MYZAP: variants seen among roughly 807,000 people sequenced by gnomAD.
MYZAP encodes myocardial zonula adherens protein.
MYZAP carries 66 observed loss-of-function variants against 69.4 expected under a neutral mutation model. The ratio of observed to expected loss-of-function variants is 0.95; its 90% CI spans 0.78 to 1.17. The LOEUF (loss-of-function observed/expected upper bound fraction) is 1.17, where lower values mean the gene tolerates loss of function less well. Among genes scored for constraint, MYZAP ranks in the 50% most tolerant of loss-of-function variants. The probability of loss-of-function intolerance (pLI) is 0.00; values close to 1 mark genes in which losing one functional copy is unlikely to be tolerated. For synonymous variants in MYZAP, 256 were observed against 205.9 expected, an observed-to-expected ratio of 1.24 and a Z score of -2.09; for missense variants, 611 against 556.2, an observed-to-expected ratio of 1.10 and a Z score of -0.99.
At position 57,631,349 on chromosome 15, in the gene MYZAP, C is replaced by T. The variant is rs888301119; in HGVS notation, c.679-1085C>T. Among the ~76,000 whole-genome samples, 5 of 152,138 alleles carry T rather than the reference C, an allele frequency of 3.3e-5. No homozygotes were observed. In the Middle Eastern group the frequency reaches 0.01, roughly 310 times the overall value. ...GGCAATCTGGCTGCTTCCCTGGAGT[C>T]CAGGCCTTTAACTCCAGCCCACAGT... On this transcript the variant is annotated intron_variant, in intron 6 of 12. Transcript: ENST00000267853.
At chr15:57,610,552 A>C (rs1471545290) in intron 2 of MYZAP, among the ~76,000 whole-genome samples, 1 of 152,198 alleles carries the variant, frequency 6.6e-6, no homozygotes, top group Admixed American at 6.5e-5. Context: ...CGGCTTCCTC[A>C]TGAACCCCTG....
chr15:57,599,581 G>A, intron 1 of MYZAP: 3 of 1,287,584 alleles, frequency 2.3e-6, no homozygotes, highest in Non-Finnish European at 3.0e-6. Context: ...AGCTGCTTTG[G>A]GAACCCCTGG....
At chr15:57,606,734 TAA>T (rs1361760993) in intron 2 of MYZAP, among the ~76,000 whole-genome samples, 7 of 146,246 alleles carry the variant, frequency 4.8e-5, no homozygotes, top group African/African-American at 1.5e-4. Flanking sequence ...ATAATAATAA[TAA>T]AATAAAATAA....
At chr15:57,616,822 CTTTTTTTT>C (rs763856721) in intron 2 of MYZAP, among the ~76,000 whole-genome samples, 35 of 50,062 alleles carry the variant, frequency 7.0e-4, no homozygotes, top group East Asian at 9.7e-4. Context: ...AAAAAAAGTG[CTTTTTTTT>C]TTTTTTTTTT....
At chr15:57,661,311 C>T in intron 10 of MYZAP, 139 bp from the exon 11 acceptor site, 1 of 694,872 alleles carries the variant, frequency 1.4e-6, no homozygotes, top group Non-Finnish European at 2.4e-6. Context: ...TGAAAACCAT[C>T]CAGCCCCACT....
chr15:57,624,374 G>A (rs548974767), intron 4 of MYZAP, among the ~76,000 whole-genome samples: 3 of 152,116 alleles, frequency 2.0e-5, no homozygotes, highest in Non-Finnish European at 2.9e-5. Flanking sequence ...GTGGGGCTAC[G>A]TAAATATATC....
At chr15:57,659,688 A>G (rs80176928) in intron 10 of MYZAP, among the ~76,000 whole-genome samples, 9,074 of 152,298 alleles carry the variant, frequency 0.06, 379 homozygotes, top group Middle Eastern at 0.092. Context: ...TTGGATTAAT[A>G]CTTCTCACCA....
At chr15:57,674,051 T>G (rs2039001148) in intron 11 of MYZAP, among the ~76,000 whole-genome samples, 1 of 152,224 alleles carries the variant, frequency 6.6e-6, no homozygotes, top group African/African-American at 2.4e-5. Flanking sequence ...TAGTCTAGCG[T>G]TACTGAAAAA....
At chr15:57,650,173 G>A (rs1178852469) in intron 10 of MYZAP, among the ~76,000 whole-genome samples, 1 of 152,044 alleles carries the variant, frequency 6.6e-6, no homozygotes, top group Admixed American at 6.6e-5. Context: ...TTTTCACGTC[G>A]CTTTCGTCAA....
rs116267006 is a variant in MYZAP at position 57,626,937 on chromosome 15, G to A, written c.525+1045G>A. On this transcript the variant is annotated intron_variant, in intron 5 of 12. Transcript: ENST00000267853. ...TCCTGGCTCTCTTGAGTGTATGCCA[G>A]CTTTCCCCTGGCCTCAGGCCAAGCC... 4.6e-3 allele frequency among the ~76,000 whole-genome samples: 708 copies of A among 152,276 alleles called. 8 individuals are homozygous for A. Among genetic ancestry groups the A allele is most frequent in the African/African-American group, 0.016 (663 of 41,558 alleles).
chr15:57,592,192 C>A (rs2033717958), intron 1 of MYZAP, 83 bp downstream of exon 1: 1 of 1,195,604 alleles, frequency 8.4e-7, no homozygotes, highest in Non-Finnish European at 1.1e-6. Flanking sequence ...GATGGGAAAG[C>A]TCGGGAGCCA....
chr15:57,675,050 G>A lies in MYZAP; in HGVS notation c.1286G>A (p.Gly429Asp), dbSNP rs748670918. ...GTGGAAACCAGAGAGATAGGAGTGGGCTGTGATCTTCTACCCAGGTATTTA... is the reference window on the plus strand; with the variant it reads ...GTGGAAACCAGAGAGATAGGAGTGGACTGTGATCTTCTACCCAGGTATTTA... ...TEVETREIGV[G>D]CDLLPSQTGR... The change falls in exon 12 of 13, where the codon GGC becomes GAC. Residue 429 changes from glycine (G) to aspartate (D), a missense_variant. Transcript: ENST00000267853. The A allele has an allele frequency of 8.7e-6, 14 of 1,612,762 alleles. No homozygotes were observed. Among genetic ancestry groups the A allele is most frequent in the Middle Eastern group, 1.7e-4 (1 of 6,058 alleles).
intron 2 of MYZAP, among the ~76,000 whole-genome samples, chr15:57,616,655 C>T (rs1467550226): frequency 6.6e-6 from 1 of 151,176 alleles, no homozygotes; most frequent in Non-Finnish European, 1.5e-5. Context: ...AAACAAAATA[C>T]AAAAATGAGC....
Position 57,625,798 on chromosome 15 carries a change from A to G in MYZAP, c.431A>G (p.Glu144Gly). Residue 144 changes from glutamate (E) to glycine (G), a missense_variant, in exon 5 of 13, where the codon GAG becomes GGG. Transcript: ENST00000267853. The part of the protein sequence containing the change: ...QELSVSHAQQ[E>G]YLENHIQTQS... ...GTCCAGGTTTCCCATGCTCAGCAGG[A>G]GTATCTGGAGAATCACATCCAAACC... The G allele has an allele frequency of 1.9e-6, 3 of 1,614,190 alleles. No individual in the cohort carries two copies. Among genetic ancestry groups the G allele is most frequent in the Non-Finnish European group, 8.5e-7 (1 of 1,180,030 alleles).
chr15:57,663,967 A>G (rs2038440800), intron 11 of MYZAP, among the ~76,000 whole-genome samples: 1 of 152,210 alleles, frequency 6.6e-6, no homozygotes, highest in Non-Finnish European at 1.5e-5. Flanking sequence ...TATACAAAAA[A>G]AGTTGCATAA....
At chr15:57,633,556 C>T (rs775400978) in intron 7 of MYZAP, 57 bp from the exon 8 acceptor site, 66 of 1,550,392 alleles carry the variant, frequency 4.3e-5, no homozygotes, top group Admixed American at 4.2e-4. Context: ...GATTGGATCC[C>T]GGTGAGTAGC....
rs189480792 is a variant in MYZAP at position 57,681,045 on chromosome 15, C to G, written c.1305-3357C>G. ...TAGTGATCAACAAAATAAAATACCC[C>G]ACTTCTTTTTTAAAAGATCGGGATA... is the stretch of plus-strand genomic sequence containing the variant. On this transcript the variant is annotated intron_variant, in intron 12 of 12. Coordinates refer to ENST00000267853, the MANE Select transcript of MYZAP (RefSeq NM_001018100.5). Among the ~76,000 whole-genome samples, 856 of 152,246 alleles carry G rather than the reference C, an allele frequency of 5.6e-3. 38 individuals carry two copies. Among genetic ancestry groups the G allele is most frequent in the Admixed American group, 0.054 (823 of 15,288 alleles).
At chr15:57,652,421 A>G (rs550765666) in intron 10 of MYZAP, among the ~76,000 whole-genome samples, 3 of 152,020 alleles carry the variant, frequency 2.0e-5, no homozygotes, top group East Asian at 3.9e-4. Flanking sequence ...TTATTCTTAC[A>G]TTTTGTGGTG....
chr15:57,604,167 A>T lies in MYZAP; in HGVS notation c.76-102A>T, dbSNP rs1005749772. ...CTGTATGATCAGGACAGTGTTCCCCAATGGAAGTAGGGGAAATGGGCTGTG... is the reference window on the plus strand; with the variant it reads ...CTGTATGATCAGGACAGTGTTCCCCTATGGAAGTAGGGGAAATGGGCTGTG... On this transcript the variant is annotated intron_variant, in intron 1 of 12. Transcript: ENST00000267853. The T allele has an allele frequency of 7.5e-6, 9 of 1,204,352 alleles. No homozygotes were observed. In the African/African-American group the frequency reaches 1.2e-4, roughly 16 times the overall value. 74.6% of individuals were successfully genotyped at this position (1,204,352 alleles called of 1,614,324 possible).
Sources: gnomAD v4.1 joint callset for allele counts (sites outside exome capture counted in the v4.1 genomes callset) on GRCh38, gnomAD v4.1.1 for gene constraint, MANE v1.5 for transcripts, NCBI Gene and HGNC (gene_info 2026-07-23, HGNC 2026-07-21) for gene names.